Variants in GATA6 observed in about 807,000 individuals in gnomAD.
GATA6 encodes GATA binding protein 6, also known as transcription factor GATA-6.
Under a neutral mutation model 48.1 loss-of-function variants are expected in GATA6, and 11 were observed. The observed-to-expected ratio is 0.23, with a 90% CI of 0.14 to 0.38. The LOEUF (loss-of-function observed/expected upper bound fraction) is 0.38, where lower values mean the gene tolerates loss of function less well. Among genes scored for constraint, GATA6 ranks in the 10% least tolerant of loss-of-function variants. The pLI is 1.00. For synonymous variants in GATA6, 419 were observed against 396.1 expected (o/e 1.06, Z -0.69); for missense variants, 795 against 850.3 (o/e 0.93, Z 0.81).
Position 22,200,671 on chromosome 18 carries a change from A to G in GATA6, c.1636A>G (p.Met546Val). ...PTASGAGAPV[M>V]TGAGESTNPE... ...CTTCTGCCAGGCGGGTGCCCCGGTG[A>G]TGACTGGTGCGGGAGAGAGCACCAA... is the stretch of plus-strand genomic sequence containing the variant. The change falls in exon 7 of 7, where the codon ATG becomes GTG. Residue 546 changes from methionine (M) to valine (V), a missense_variant. Physicochemically the swap from Met to Val is conservative, Grantham distance 21. This residue lies in a region of GATA6 where 103 missense variants were observed against 103.7 expected (regional missense o/e 0.99). Transcript: ENST00000269216. 1 of 1,614,224 alleles carries G rather than the reference A, an allele frequency of 6.2e-7. No individual in the cohort carries two copies. Among genetic ancestry groups the G allele is most frequent in the Non-Finnish European group, 8.5e-7 (1 of 1,180,046 alleles).
intron 2 of GATA6, among the ~76,000 whole-genome samples, chr18:22,173,428 T>G (rs920015661): frequency 7.9e-5 from 12 of 152,102 alleles, no homozygotes; most frequent in African/African-American, 2.9e-4. Flanking sequence ...CCTACCCCGG[T>G]GTCTTGTGTA....
chr18:22,177,942 C>CTGTT (rs2033144031), intron 3 of GATA6, among the ~76,000 whole-genome samples: 2 of 106,088 alleles, frequency 1.9e-5, no homozygotes, highest in African/African-American at 1.0e-4. Context: ...ACACGTTTTA[C>CTGTT]TGTTTTTTTG....
intron 2 of GATA6, among the ~76,000 whole-genome samples, chr18:22,174,610 G>C (rs1461859810): frequency 6.6e-6 from 1 of 152,106 alleles, no homozygotes; most frequent in Non-Finnish European, 1.5e-5. Context: ...AGGAAATCAG[G>C]AAGTGACTGG....
intron 6 of GATA6, among the ~76,000 whole-genome samples, chr18:22,188,549 G>T: frequency 6.6e-6 from 1 of 152,144 alleles, no homozygotes; most frequent in Admixed American, 6.5e-5. Context: ...AGGAAGTGAG[G>T]CTGGTAGAAC....
intron 3 of GATA6, among the ~76,000 whole-genome samples, chr18:22,177,636 A>G (rs938645815): frequency 6.6e-6 from 1 of 151,942 alleles, no homozygotes; most frequent in African/African-American, 2.4e-5. Flanking sequence ...TGCTTGAAAA[A>G]CCATGCTCAC....
chr18:22,179,057 A>G (rs1487764384), intron 3 of GATA6, among the ~76,000 whole-genome samples: 1 of 152,206 alleles, frequency 6.6e-6, no homozygotes, highest in African/African-American at 2.4e-5. Context: ...AGTAAAAATA[A>G]CTTAGAAGGA....
At chr18:22,178,758 G>A (rs1213378832) in intron 3 of GATA6, among the ~76,000 whole-genome samples, 1 of 152,170 alleles carries the variant, frequency 6.6e-6, no homozygotes, top group East Asian at 1.9e-4. Flanking sequence ...GTGTGTGACT[G>A]TGGGTTTCAT....
At chr18:22,200,416 C>T (rs950150162) in intron 6 of GATA6, among the ~76,000 whole-genome samples, 2 of 152,146 alleles carry the variant, frequency 1.3e-5, no homozygotes, top group South Asian at 2.1e-4. Context: ...TCTAAAGTTT[C>T]GAAGGCTTAA....
chr18:22,198,966 T>G (rs7240020), intron 6 of GATA6, among the ~76,000 whole-genome samples: 3 of 152,122 alleles, frequency 2.0e-5, no homozygotes, highest in South Asian at 2.1e-4. Flanking sequence ...GTGTTGTTGC[T>G]GGATTTTCAT....
rs2033067111 is a variant in GATA6, at chr18:22,172,336, G to GGGGCGC, written c.1135+57_1135+58insGGGCGC. On this transcript the variant is annotated intron_variant, in intron 2 of 6. Transcript: ENST00000269216. This position sits in a 1 kb window ranked among gnomAD's most constrained non-coding sequence, Gnocchi z 5.2. The stretch of plus-strand genomic sequence containing the variant: ...GTCCAAAGCGCTGGGGCGCACGGGG[G>GGGGCGC]ACGTGGAGCAGCTGCTCCACTCGGG... 6.6e-7 allele frequency: 1 copy of GGGGCGC among 1,509,734 alleles called. No homozygotes were observed. Among genetic ancestry groups the GGGGCGC allele is most frequent in the Non-Finnish European group, 8.8e-7 (1 of 1,130,004 alleles). 93.5% of individuals were successfully genotyped at this position (1,509,734 alleles called of 1,614,324 possible).
In GATA6 at chr18:22,177,489, G is replaced by C. The variant is rs1043521594; in HGVS notation, c.1302+368G>C. Among the ~76,000 whole-genome samples the C allele has an allele frequency of 2.6e-5, 4 of 152,184 alleles. No individual in the cohort carries two copies. In the East Asian group the frequency reaches 5.8e-4, roughly 22 times the overall value. On this transcript the variant is annotated intron_variant, in intron 3 of 6. Coordinates refer to ENST00000269216, the MANE Select transcript of GATA6 (RefSeq NM_005257.6). ...GAAAAAATAATCTATATATCTCTAG[G>C]TGTACTTGCCAAAGCACCGTAATAA...
Position 22,171,096 on chromosome 18 carries a change from A to ACCATACCCGTCTCCCCCC in GATA6, c.-37-10_-37-9insATACCCGTCTCCCCCCCC. 1 of 1,544,570 alleles carries ACCATACCCGTCTCCCCCC rather than the reference A, an allele frequency of 6.5e-7. No homozygotes were observed. The stretch of plus-strand genomic sequence containing the variant: ...ATCTCCTACCATACCCGTCTCCCCC[A>ACCATACCCGTCTCCCCCC]CCCCACCTCAGGAGCTAGACGTCAG... On this transcript the variant is annotated splice_polypyrimidine_tract_variant and intron_variant, in intron 1 of 6. Transcript: ENST00000269216. This position sits in a 1 kb window ranked among gnomAD's most constrained non-coding sequence, Gnocchi z 7.1.
chr18:22,195,923 T>C (rs2033383690), intron 6 of GATA6, among the ~76,000 whole-genome samples: 1 of 152,250 alleles, frequency 6.6e-6, no homozygotes, highest in Admixed American at 6.5e-5. Flanking sequence ...TGCGGAGCCT[T>C]TCCCTTCTTT....
At chr18:22,192,621 A>T (rs2033341173) in intron 6 of GATA6, among the ~76,000 whole-genome samples, 1 of 152,196 alleles carries the variant, frequency 6.6e-6, no homozygotes, top group Non-Finnish European at 1.5e-5. Context: ...ATGCTCATCC[A>T]TCTCCTGAAA....
In GATA6 at chr18:22,172,952, C is replaced by T. The variant is rs1245181978; in HGVS notation, c.1135+673C>T. Among the ~76,000 whole-genome samples, 1 of 152,180 alleles carries T rather than the reference C, an allele frequency of 6.6e-6. No individual in the cohort carries two copies. The highest frequency in any genetic ancestry group is 2.4e-5 in the African/African-American group (1 of 41,450). ...GTGAAGGAGAGCTGGTGGATAGGCC[C>T]TTGGGCTTGGCATCAGCTGGGCCTT... On this transcript the variant is annotated intron_variant, in intron 2 of 6. Coordinates refer to ENST00000269216, the MANE Select transcript of GATA6 (RefSeq NM_005257.6). This position sits in a 1 kb window ranked among gnomAD's most constrained non-coding sequence, Gnocchi z 5.2.
chr18:22,184,784 T>A (rs111621418), intron 6 of GATA6, among the ~76,000 whole-genome samples: 2,353 of 152,020 alleles, frequency 0.015, 61 homozygotes, highest in African/African-American at 0.054. Context: ...CAGGCATGAG[T>A]CACCGCGCCT....
At chr18:22,188,942 T>G (rs934366912) in intron 6 of GATA6, among the ~76,000 whole-genome samples, 4 of 152,180 alleles carry the variant, frequency 2.6e-5, no homozygotes, top group African/African-American at 9.7e-5. Context: ...GAAATGTGTT[T>G]CCTCACCTTT....
chr18:22,199,226 C>T (rs1299828523), intron 6 of GATA6, among the ~76,000 whole-genome samples: 4 of 152,056 alleles, frequency 2.6e-5, no homozygotes, highest in East Asian at 1.9e-4. Flanking sequence ...CTTTCTGTTC[C>T]GCCTGTGTCT....
intron 2 of GATA6, chr18:22,175,720 G>T (rs796713305): frequency 6.6e-6 from 1 of 152,110 alleles, no homozygotes; most frequent in African/African-American, 2.4e-5. Flanking sequence ...TTTAAATATC[G>T]TTACCACACA....
Sources: allele counts gnomAD v4.1 joint callset (sites outside exome capture counted in the v4.1 genomes callset), GRCh38; gene constraint gnomAD v4.1.1; regional missense constraint gnomAD v4.1.1; non-coding constraint Gnocchi (gnomAD v3.1); transcripts MANE v1.5; gene names NCBI Gene and HGNC (gene_info 2026-07-23, HGNC 2026-07-21).